The following PARD3 variants were observed in gnomAD, a reference collection of about 807,000 sequenced individuals.
PARD3 encodes par-3 family cell polarity regulator, also known as partitioning defective 3 homolog.
PARD3 carries 75 observed loss-of-function variants against 155.4 expected under a neutral mutation model. That is an observed-to-expected ratio of 0.48 (90% CI 0.40 to 0.58). The LOEUF is 0.58. Among genes scored for constraint, PARD3 ranks in the 20% least tolerant of loss-of-function variants. The pLI is 0.00. For missense variants in PARD3, 1,642 were observed against 1,721.7 expected (o/e 0.95, Z 0.82); for synonymous variants, 576 against 610.5 (o/e 0.94, Z 0.83).
chr10:34,792,777 C>T (rs981697536), intron 1 of PARD3, among the ~76,000 whole-genome samples: 4 of 152,304 alleles, frequency 2.6e-5, no homozygotes, highest in Non-Finnish European at 5.9e-5. Flanking sequence ...TGAACACCCT[C>T]GCCAAAGAAG....
chr10:34,114,979 CTATCACCTAAAGAT>C (rs546109228), intron 24 of PARD3, among the ~76,000 whole-genome samples: 235 of 152,308 alleles, frequency 1.5e-3, no homozygotes, highest in African/African-American at 5.2e-3. Context: ...TTGGCAATAA[CTATCACCTAAAGAT>C]TATCACCTAA....
At chr10:34,743,955 G>A (rs1289869524) in intron 1 of PARD3, among the ~76,000 whole-genome samples, 1 of 152,146 alleles carries the variant, frequency 6.6e-6, no homozygotes, top group Admixed American at 6.5e-5. Flanking sequence ...ACTCATGGCT[G>A]CCTGGAGAAT....
At chr10:34,576,224 G>C (rs932414924) in intron 2 of PARD3, among the ~76,000 whole-genome samples, 1 of 152,178 alleles carries the variant, frequency 6.6e-6, no homozygotes, top group Non-Finnish European at 1.5e-5. Flanking sequence ...CCACTTAGAT[G>C]CTGTGGAGGA....
At chr10:34,377,895 T>G in intron 10 of PARD3, 72 bp downstream of exon 10, 1 of 1,223,334 alleles carries the variant, frequency 8.2e-7, no homozygotes, top group Admixed American at 2.9e-5. Context: ...TATGAAAATG[T>G]TTTTAAAAGT....
chr10:34,364,009 A>G (rs1404884167), intron 12 of PARD3, among the ~76,000 whole-genome samples: 1 of 152,194 alleles, frequency 6.6e-6, no homozygotes, highest in Non-Finnish European at 1.5e-5. Flanking sequence ...CTGCAGTGAG[A>G]CAAAGAGTCA....
chr10:34,679,108 C>T (rs1466453972), intron 2 of PARD3, among the ~76,000 whole-genome samples: 1 of 152,090 alleles, frequency 6.6e-6, no homozygotes, highest in Non-Finnish European at 1.5e-5. Flanking sequence ...AAATAAACAA[C>T]CTGTTTTGCT....
intron 22 of PARD3, among the ~76,000 whole-genome samples, chr10:34,167,363 C>A (rs1038080789): frequency 2.0e-5 from 3 of 152,142 alleles, no homozygotes; most frequent in Non-Finnish European, 4.4e-5. Context: ...TGATAGACTG[C>A]ATGCTACACC....
intron 2 of PARD3, among the ~76,000 whole-genome samples, chr10:34,653,044 AAC>A (rs1390238035): frequency 3.9e-5 from 6 of 152,174 alleles, no homozygotes; most frequent in Non-Finnish European, 8.8e-5. Context: ...ACAACAAAAA[AAC>A]ACACATGCTT....
chr10:34,129,698 C>CTATTTTTTTTTTTTTTT (rs1346445542), intron 23 of PARD3, among the ~76,000 whole-genome samples: 3 of 59,754 alleles, frequency 5.0e-5, no homozygotes, highest in African/African-American at 1.7e-4. Flanking sequence ...AATGTCAAGC[C>CTATTTTTTTTTTTTTTT]TCTTTTTTTT....
At chr10:34,407,956 G>C (rs940990023) in intron 5 of PARD3, among the ~76,000 whole-genome samples, 3 of 151,978 alleles carry the variant, frequency 2.0e-5, no homozygotes, top group Non-Finnish European at 4.4e-5. Flanking sequence ...CAGAAAACAG[G>C]AACACAAATG....
chr10:34,694,896 G>A (rs1311089603), intron 2 of PARD3, among the ~76,000 whole-genome samples: 1 of 152,140 alleles, frequency 6.6e-6, no homozygotes, highest in Admixed American at 6.5e-5. Context: ...ATATAGGTGT[G>A]AACAAGACAC....
chr10:34,553,801 T>C (rs2084782773), intron 2 of PARD3, among the ~76,000 whole-genome samples: 1 of 152,226 alleles, frequency 6.6e-6, no homozygotes, highest in African/African-American at 2.4e-5. Flanking sequence ...AAAAGAGGTC[T>C]AAGACACTTA....
chr10:34,223,140 C>T (rs12242874), intron 22 of PARD3, among the ~76,000 whole-genome samples: 14,248 of 152,020 alleles, frequency 0.094, 2,270 homozygotes, highest in African/African-American at 0.33. Flanking sequence ...AGGAAACACA[C>T]GGGGCCTGTA....
At chr10:34,474,791 G>GT (rs1454884781) in intron 3 of PARD3, among the ~76,000 whole-genome samples, 2 of 152,112 alleles carry the variant, frequency 1.3e-5, no homozygotes, top group African/African-American at 4.8e-5. Flanking sequence ...ATGTTGGTTT[G>GT]TTTTTTAAAA....
chr10:34,604,235 C>T (rs572222652), intron 2 of PARD3, among the ~76,000 whole-genome samples: 49 of 152,168 alleles, frequency 3.2e-4, no homozygotes, highest in African/African-American at 1.1e-3. Flanking sequence ...TTGAGGGATG[C>T]GAAGTATGAA....
intron 1 of PARD3, among the ~76,000 whole-genome samples, chr10:34,808,744 G>A (rs1310904298): frequency 1.3e-5 from 2 of 152,170 alleles, no homozygotes; most frequent in East Asian, 1.9e-4. Context: ...ACAGACGGAG[G>A]ATCCGTCTGT....
intron 2 of PARD3, among the ~76,000 whole-genome samples, chr10:34,605,566 ATATATATATCTCCTATATATATCTCC>A (rs1158903844): frequency 1.6e-5 from 1 of 63,462 alleles, no homozygotes; most frequent in African/African-American, 1.5e-4. Context: ...TCTCCTATAT[ATATATATATCTCCTATATATATCTCC>A]TATATATATA....
At chr10:34,263,373 G>A (rs901362866) in intron 22 of PARD3, among the ~76,000 whole-genome samples, 1 of 151,962 alleles carries the variant, frequency 6.6e-6, no homozygotes, top group South Asian at 2.1e-4. Flanking sequence ...AAGAGCCCAG[G>A]AAGAAGAGCA....
In PARD3 at chr10:34,332,511, T is replaced by C. The variant is rs138893095; in HGVS notation, c.2606-1167A>G. Among the ~76,000 whole-genome samples the C allele has an allele frequency of 1.7e-3, 258 of 152,254 alleles. 1 individual carries two copies. The highest frequency in any genetic ancestry group is 5.6e-3 in the African/African-American group (231 of 41,560). ...ATCATGTTATTACCCAGAAGACAAATAGTTGTGACATAGGCTTTTCACAGC... is the reference window on the plus strand; with the variant it reads ...ATCATGTTATTACCCAGAAGACAAACAGTTGTGACATAGGCTTTTCACAGC... On this transcript the variant is annotated intron_variant, in intron 18 of 24. Coordinates refer to ENST00000374788, the MANE Select transcript of PARD3 (RefSeq NM_001184785.2).
Sources: gnomAD v4.1 joint callset for allele counts (sites outside exome capture counted in the v4.1 genomes callset) on GRCh38, gnomAD v4.1.1 for gene constraint, MANE v1.5 for transcripts, NCBI Gene and HGNC (gene_info 2026-07-23, HGNC 2026-07-21) for gene names.